The following CSMD1 variants were observed in gnomAD, a reference collection of about 807,000 sequenced individuals.
The protein encoded by CSMD1 is CUB and Sushi multiple domains 1, also known as CUB and sushi domain-containing protein 1.
Under a neutral mutation model 417.5 loss-of-function variants are expected in CSMD1, and 213 were observed. That is an observed-to-expected ratio of 0.51 (90% CI 0.46 to 0.57). The LOEUF is 0.57. Among genes scored for constraint, CSMD1 ranks in the 20% least tolerant of loss-of-function variants. CSMD1 has a pLI of 0.00. For synonymous variants in CSMD1, 2,862 were observed against 1,736.8 expected, an observed-to-expected ratio of 1.65 and a Z score of -16.11; for missense variants, 6,923 against 4,529.7, an observed-to-expected ratio of 1.53 and a Z score of -15.17.
intron 31 of CSMD1, among the ~76,000 whole-genome samples, chr8:3,203,769 C>A (rs1453142963): frequency 6.6e-6 from 1 of 152,180 alleles, no homozygotes; most frequent in Non-Finnish European, 1.5e-5. Context: ...AGAAAGAATT[C>A]TTGGCTATGC....
intron 2 of CSMD1, among the ~76,000 whole-genome samples, chr8:4,456,447 G>T (rs772724687): frequency 1.3e-5 from 2 of 152,122 alleles, no homozygotes; most frequent in Non-Finnish European, 2.9e-5. Context: ...GCTGTTAAGA[G>T]TATTCTTAAC....
intron 6 of CSMD1, among the ~76,000 whole-genome samples, chr8:3,724,626 A>C (rs1905029): frequency 0.71 from 107,112 of 151,912 alleles, 38,722 homozygotes; most frequent in South Asian, 0.85. Flanking sequence ...GGTCACTCCC[A>C]GTATGCAGGA....
intron 10 of CSMD1, among the ~76,000 whole-genome samples, chr8:3,513,418 C>A (rs1797160430): frequency 6.6e-6 from 1 of 151,644 alleles, no homozygotes; most frequent in Admixed American, 6.6e-5. Flanking sequence ...CCTCTGCCTC[C>A]CAGGATCAAG....
At chr8:4,085,466 G>C (rs181701822) in intron 3 of CSMD1, among the ~76,000 whole-genome samples, 1 of 152,236 alleles carries the variant, frequency 6.6e-6, no homozygotes, top group Admixed American at 6.5e-5. Context: ...GATCATGTTT[G>C]CTGACAGTTT....
intron 49 of CSMD1, among the ~76,000 whole-genome samples, chr8:3,058,888 A>ACCT (rs914737098): frequency 6.6e-6 from 1 of 151,494 alleles, no homozygotes; most frequent in Non-Finnish European, 1.5e-5. Flanking sequence ...GGGACCTCCC[A>ACCT]CCTCCTCCTC....
intron 1 of CSMD1, among the ~76,000 whole-genome samples, chr8:4,941,092 T>C (rs1563822772): frequency 6.6e-6 from 1 of 152,248 alleles, no homozygotes; most frequent in Non-Finnish European, 1.5e-5. Flanking sequence ...CATAATTATA[T>C]TGAATTTTGG....
intron 18 of CSMD1, among the ~76,000 whole-genome samples, chr8:3,370,948 C>T (rs1286050969): frequency 6.6e-6 from 1 of 151,862 alleles, no homozygotes; most frequent in South Asian, 2.1e-4. Context: ...TGCACTCCAG[C>T]CTGGGGCAAC....
At chr8:3,996,309 T>A (rs1406874054) in intron 5 of CSMD1, among the ~76,000 whole-genome samples, 1 of 152,212 alleles carries the variant, frequency 6.6e-6, no homozygotes, top group Non-Finnish European at 1.5e-5. Context: ...TGAGTCCCTA[T>A]ATATTTTATA....
At chr8:4,778,645 G>T (rs1448491206) in intron 1 of CSMD1, among the ~76,000 whole-genome samples, 1 of 152,114 alleles carries the variant, frequency 6.6e-6, no homozygotes, top group Non-Finnish European at 1.5e-5. Flanking sequence ...GACCTTCATG[G>T]GAGTGGTCTA....
rs78778459 is a variant in CSMD1, at chr8:4,033,596, G to C, written c.416-1497C>G. Reference sequence around the variant, plus strand: ...GTCTCCCTACAATGTGTAAAACTAAGTTGTGGCTCAATCCTCTTGGGCACT... The same window carrying C: ...GTCTCCCTACAATGTGTAAAACTAACTTGTGGCTCAATCCTCTTGGGCACT... On this transcript the variant is annotated intron_variant, in intron 3 of 69. Transcript: ENST00000635120. Among the ~76,000 whole-genome samples, 1,292 of 152,262 alleles carry C rather than the reference G, an allele frequency of 8.5e-3. 15 individuals carry two copies. The highest frequency in any genetic ancestry group is 0.022 in the African/African-American group (899 of 41,548).
intron 1 of CSMD1, among the ~76,000 whole-genome samples, chr8:4,719,125 C>G (rs575941116): frequency 6.6e-6 from 1 of 151,806 alleles, no homozygotes; most frequent in Non-Finnish European, 1.5e-5. Flanking sequence ...GAATGATGAA[C>G]AAGAAACTAA....
At chr8:4,490,575 CTCA>C (rs1177358061) in intron 2 of CSMD1, among the ~76,000 whole-genome samples, 5 of 152,126 alleles carry the variant, frequency 3.3e-5, no homozygotes, top group Non-Finnish European at 5.9e-5. Flanking sequence ...CAGAATTCTT[CTCA>C]TCAAGGAGAT....
rs527987905 is a variant in CSMD1, at chr8:3,227,874, T to C, written c.4345+2166A>G. Among the ~76,000 whole-genome samples the C allele has an allele frequency of 7.1e-4, 108 of 152,104 alleles. 1 individual carries two copies. The highest frequency in any genetic ancestry group is 6.7e-3 in the Admixed American group (103 of 15,276). ...CTTCTAGCTCCTGGGTTCAAGTGAT[T>C]CTCGTGCCTCAGCCTCCCAAGTAGC... On this transcript the variant is annotated intron_variant, in intron 27 of 69. Transcript: ENST00000635120.
chr8:4,338,250 G>C (rs750926349), intron 3 of CSMD1, among the ~76,000 whole-genome samples: 2 of 152,146 alleles, frequency 1.3e-5, no homozygotes, highest in African/African-American at 4.8e-5. Flanking sequence ...TAGAATAGTT[G>C]CAATATTCCA....
intron 3 of CSMD1, among the ~76,000 whole-genome samples, chr8:4,064,430 G>A (rs553892286): frequency 3.3e-5 from 5 of 152,274 alleles, no homozygotes; most frequent in East Asian, 3.9e-4. Context: ...AGCTTCTGCG[G>A]GCTTTGCCCA....
At chr8:4,322,516 C>G (rs1296427890) in intron 3 of CSMD1, among the ~76,000 whole-genome samples, 1 of 151,994 alleles carries the variant, frequency 6.6e-6, no homozygotes, top group African/African-American at 2.4e-5. Flanking sequence ...TCAGGGAAGG[C>G]TGTATAAAAA....
intron 3 of CSMD1, among the ~76,000 whole-genome samples, chr8:4,223,290 G>T (rs117695243): frequency 2.0e-5 from 3 of 152,034 alleles, no homozygotes; most frequent in African/African-American, 7.2e-5. Flanking sequence ...TTTTTGCCTC[G>T]AAATTCACCT....
intron 15 of CSMD1, among the ~76,000 whole-genome samples, chr8:3,400,689 AT>A (rs1260341252): frequency 2.0e-5 from 3 of 151,974 alleles, no homozygotes; most frequent in African/African-American, 7.2e-5. Context: ...AAAATTGTCC[AT>A]CTGTTATAAA....
chr8:4,670,442 T>A (rs1205904976), intron 1 of CSMD1, among the ~76,000 whole-genome samples: 1 of 152,148 alleles, frequency 6.6e-6, no homozygotes, highest in Non-Finnish European at 1.5e-5. Context: ...GGAGCAAACA[T>A]GTGTGTCCTG....
Sources: allele counts gnomAD v4.1 joint callset (sites outside exome capture counted in the v4.1 genomes callset), GRCh38; gene constraint gnomAD v4.1.1; transcripts MANE v1.5; gene names NCBI Gene and HGNC (gene_info 2026-07-23, HGNC 2026-07-21).